Variants in ANTXR1 observed in about 807,000 individuals in gnomAD.
ANTXR1 encodes ANTXR cell adhesion molecule 1, also known as anthrax toxin receptor 1.
A neutral mutation model predicts 78.1 loss-of-function variants in ANTXR1; 19 were observed. The observed-to-expected ratio is 0.24, with a 90% CI of 0.17 to 0.36. The LOEUF is 0.36. ANTXR1 is among the 10% of genes least tolerant of loss of function. The pLI, the probability that ANTXR1 is intolerant of heterozygous loss-of-function variation, is 1.00. For missense variants in ANTXR1, 518 were observed against 718.6 expected, an observed-to-expected ratio of 0.72 and a Z score of 3.19; for synonymous variants, 273 against 260.5, an observed-to-expected ratio of 1.05 and a Z score of -0.46.
chr2:69,240,687 A>G (rs753937300), intron 17 of ANTXR1, among the ~76,000 whole-genome samples: 2 of 152,224 alleles, frequency 1.3e-5, no homozygotes, highest in Admixed American at 6.5e-5. Context: ...CTTTTAGTCT[A>G]TATTCAGGAA....
At chr2:69,090,969 G>T (rs146017190) in intron 9 of ANTXR1, 50 bp downstream of exon 9, 8 of 1,580,764 alleles carry the variant, frequency 5.1e-6, no homozygotes, top group Non-Finnish European at 6.9e-6. Context: ...ATGATATTTT[G>T]AGTTCAAGTC....
At chr2:69,088,012 A>T (rs1384319647) in intron 8 of ANTXR1, among the ~76,000 whole-genome samples, 1 of 152,216 alleles carries the variant, frequency 6.6e-6, no homozygotes, top group African/African-American at 2.4e-5. Context: ...GCTGTATTGC[A>T]TCCTTCCAGA....
intron 12 of ANTXR1, among the ~76,000 whole-genome samples, chr2:69,142,821 G>C (rs1673105455): frequency 6.6e-6 from 1 of 152,196 alleles, no homozygotes; most frequent in Admixed American, 6.5e-5. Flanking sequence ...AGCACAAAGT[G>C]TGAGGAGGGA....
At chr2:69,194,607 C>A (rs978417659) in intron 17 of ANTXR1, among the ~76,000 whole-genome samples, 2 of 152,160 alleles carry the variant, frequency 1.3e-5, no homozygotes, top group African/African-American at 2.4e-5. Flanking sequence ...AATCCCAGCA[C>A]TTTGGGAGGC....
intron 17 of ANTXR1, among the ~76,000 whole-genome samples, chr2:69,230,404 T>A (rs1437452092): frequency 6.6e-6 from 1 of 152,070 alleles, no homozygotes; most frequent in Non-Finnish European, 1.5e-5. Flanking sequence ...TTCATTCATT[T>A]GTATGGCAAG....
At chr2:69,211,738 GA>G (rs927243123) in intron 17 of ANTXR1, among the ~76,000 whole-genome samples, 1 of 152,236 alleles carries the variant, frequency 6.6e-6, no homozygotes, top group Non-Finnish European at 1.5e-5. Flanking sequence ...AACAGTCTGT[GA>G]AAGGCACTTT....
At chr2:69,212,207 T>C (rs1200898466) in intron 17 of ANTXR1, among the ~76,000 whole-genome samples, 1 of 151,164 alleles carries the variant, frequency 6.6e-6, no homozygotes, top group African/African-American at 2.4e-5. Context: ...AAGAAAGAAG[T>C]AGGGGAGGGG....
At chr2:69,044,293 T>C (rs765482053) in intron 2 of ANTXR1, among the ~76,000 whole-genome samples, 1 of 152,140 alleles carries the variant, frequency 6.6e-6, no homozygotes, top group Non-Finnish European at 1.5e-5. Context: ...AGGGAGTTTG[T>C]TATATAATGT....
intron 17 of ANTXR1, among the ~76,000 whole-genome samples, chr2:69,205,348 G>C (rs992537771): frequency 6.6e-6 from 1 of 152,096 alleles, no homozygotes; most frequent in African/African-American, 2.4e-5. Flanking sequence ...CAACCAGGGA[G>C]GGTAGGGAGT....
chr2:69,144,464 A>C (rs1345236788), intron 12 of ANTXR1, among the ~76,000 whole-genome samples: 5 of 152,222 alleles, frequency 3.3e-5, no homozygotes, highest in African/African-American at 1.2e-4. Flanking sequence ...AAAGTGCTTC[A>C]TAGGCACCCT....
At chr2:69,129,079 C>T (rs1323844727) in intron 12 of ANTXR1, among the ~76,000 whole-genome samples, 1 of 152,124 alleles carries the variant, frequency 6.6e-6, no homozygotes, top group Non-Finnish European at 1.5e-5. Context: ...AGCTCCATGA[C>T]TATAGAAAAT....
intron 3 of ANTXR1, among the ~76,000 whole-genome samples, chr2:69,066,808 G>A (rs1028488641): frequency 2.0e-5 from 3 of 152,100 alleles, no homozygotes; most frequent in Non-Finnish European, 4.4e-5. Context: ...AAAACAAATG[G>A]CCTAAAACCC....
chr2:69,145,677 T>C (rs1673204480), intron 12 of ANTXR1: 1 of 1,153,698 alleles, frequency 8.7e-7, no homozygotes, highest in African/African-American at 1.6e-5. Flanking sequence ...GGTGGAGGAT[T>C]TCACAGTTTC....
At chr2:69,117,552 T>G (rs1355070896) in intron 10 of ANTXR1, among the ~76,000 whole-genome samples, 1 of 152,232 alleles carries the variant, frequency 6.6e-6, no homozygotes, top group Non-Finnish European at 1.5e-5. Flanking sequence ...TATTAATTCC[T>G]GATGTCTACA....
At chr2:69,204,548 G>T (rs1483220698) in intron 17 of ANTXR1, among the ~76,000 whole-genome samples, 1 of 152,026 alleles carries the variant, frequency 6.6e-6, no homozygotes, top group African/African-American at 2.4e-5. Flanking sequence ...TTTTAATATA[G>T]GAAAGATGAG....
intron 17 of ANTXR1, among the ~76,000 whole-genome samples, chr2:69,198,429 G>A (rs1258445587): frequency 6.6e-6 from 1 of 152,046 alleles, no homozygotes; most frequent in Non-Finnish European, 1.5e-5. Flanking sequence ...GGTTTCCTGT[G>A]ATCATTTTCT....
chr2:69,116,732 C>A (rs944186693), intron 10 of ANTXR1, among the ~76,000 whole-genome samples: 1 of 152,166 alleles, frequency 6.6e-6, no homozygotes, highest in African/African-American at 2.4e-5. Context: ...AACACACCCT[C>A]CCGCTGCCTC....
rs1573908219 is a variant in ANTXR1, at chr2:69,124,572, G to A, written c.880G>A (p.Ala294Thr). 1 of 1,614,162 alleles carries A rather than the reference G, an allele frequency of 6.2e-7. No individual in the cohort carries two copies. The highest frequency in any genetic ancestry group is 8.5e-7 in the Non-Finnish European group (1 of 1,180,022). Residue 294 changes from alanine (A) to threonine (T), a missense_variant, in exon 12 of 18, where the codon GCA becomes ACA. Ala to Thr is a moderately conservative substitution (Grantham distance 58). This residue lies in a region of ANTXR1 where 264 missense variants were observed against 391.8 expected (regional missense o/e 0.67). Coordinates refer to ENST00000303714, the MANE Select transcript of ANTXR1 (RefSeq NM_032208.3). ...PILKEVGMKAALQVSMNDGLS... is the reference protein window; with the variant it reads ...PILKEVGMKATLQVSMNDGLS... ...CCCTTGTTGTCATTGCAGGAAAGCT[G>A]CACTCCAGGTCAGCATGAACGATGG...
At chr2:69,152,890 G>A (rs1217069024) in intron 13 of ANTXR1, among the ~76,000 whole-genome samples, 1 of 152,060 alleles carries the variant, frequency 6.6e-6, no homozygotes, top group Non-Finnish European at 1.5e-5. Context: ...ACATGACAAT[G>A]TCTCCCCAGA....
Sources: allele counts gnomAD v4.1 joint callset (sites outside exome capture counted in the v4.1 genomes callset), GRCh38; gene constraint gnomAD v4.1.1; regional missense constraint gnomAD v4.1.1; transcripts MANE v1.5; gene names NCBI Gene and HGNC (gene_info 2026-07-23, HGNC 2026-07-21).